Variants in SPOCK3 observed in about 807,000 individuals in gnomAD.
SPOCK3 encodes SPARC (osteonectin), cwcv and kazal like domains proteoglycan 3.
A neutral mutation model predicts 56.6 loss-of-function variants in SPOCK3; 30 were observed. The ratio of observed to expected loss-of-function variants is 0.53; its 90% CI spans 0.40 to 0.72. The LOEUF (loss-of-function observed/expected upper bound fraction) is 0.72. Ranked by LOEUF, SPOCK3 falls within the 30% of genes least tolerant of loss-of-function variation. The pLI is 0.00. For missense variants in SPOCK3, 527 were observed against 530.0 expected, an observed-to-expected ratio of 0.99 and a Z score of 0.06; for synonymous variants, 196 against 183.3, an observed-to-expected ratio of 1.07 and a Z score of -0.56.
chr4:167,130,018 TA>T (rs1327793934), intron 2 of SPOCK3, among the ~76,000 whole-genome samples: 2 of 152,142 alleles, frequency 1.3e-5, no homozygotes, highest in Admixed American at 1.3e-4. Context: ...TAAGGTTAAT[TA>T]AAAAAATTTT....
At chr4:167,025,806 G>A (rs1327160860) in intron 3 of SPOCK3, among the ~76,000 whole-genome samples, 2 of 152,028 alleles carry the variant, frequency 1.3e-5, no homozygotes, top group Non-Finnish European at 2.9e-5. Flanking sequence ...TTTCCTCTGA[G>A]GAATGCATTG....
chr4:166,750,329 C>G (rs1454901653), intron 8 of SPOCK3, among the ~76,000 whole-genome samples: 5 of 152,020 alleles, frequency 3.3e-5, no homozygotes, highest in Non-Finnish European at 7.4e-5. Context: ...CAGAATCAGA[C>G]TATTAGGTCT....
At chr4:167,148,710 A>C (rs1327216892) in intron 2 of SPOCK3, among the ~76,000 whole-genome samples, 4 of 152,144 alleles carry the variant, frequency 2.6e-5, no homozygotes, top group African/African-American at 9.7e-5. Flanking sequence ...GCAATTTTTT[A>C]AATTTAATTT....
At chr4:166,967,238 G>C (rs6829167) in intron 4 of SPOCK3, among the ~76,000 whole-genome samples, 1 of 151,876 alleles carries the variant, frequency 6.6e-6, no homozygotes, top group Non-Finnish European at 1.5e-5. Flanking sequence ...TCTGGCACCC[G>C]CCTAATCTGA....
At chr4:166,936,184 C>A (rs1740379016) in intron 4 of SPOCK3, among the ~76,000 whole-genome samples, 1 of 152,058 alleles carries the variant, frequency 6.6e-6, no homozygotes, top group African/African-American at 2.4e-5. Context: ...CAATACTGAG[C>A]TGTGATGCAT....
At chr4:166,996,728 AAT>A (rs763605976) in intron 4 of SPOCK3, among the ~76,000 whole-genome samples, 1 of 152,154 alleles carries the variant, frequency 6.6e-6, no homozygotes, top group Non-Finnish European at 1.5e-5. Flanking sequence ...ACAATATCCA[AAT>A]ATATGACTTT....
chr4:166,838,845 C>T (rs2126820115), intron 6 of SPOCK3, among the ~76,000 whole-genome samples: 1 of 149,942 alleles, frequency 6.7e-6, no homozygotes, highest in South Asian at 2.2e-4. Context: ...CACCTGTAAT[C>T]CAGCTACCTG....
At chr4:167,039,522 T>C (rs1325225788) in intron 3 of SPOCK3, among the ~76,000 whole-genome samples, 1 of 152,184 alleles carries the variant, frequency 6.6e-6, no homozygotes, top group East Asian at 1.9e-4. Flanking sequence ...TATATGTGTG[T>C]GTCTATACAT....
intron 5 of SPOCK3, among the ~76,000 whole-genome samples, chr4:166,898,897 G>A (rs1306710604): frequency 6.6e-6 from 1 of 152,154 alleles, no homozygotes; most frequent in Non-Finnish European, 1.5e-5. Context: ...CAGAAGGGAT[G>A]AGCATTTGAA....
At chr4:166,974,969 A>G (rs552028164) in intron 4 of SPOCK3, among the ~76,000 whole-genome samples, 1 of 152,300 alleles carries the variant, frequency 6.6e-6, no homozygotes, top group African/African-American at 2.4e-5. Flanking sequence ...TCATAGATTA[A>G]TCAATTAACA....
At chr4:167,077,583 T>G (rs1757313285) in intron 2 of SPOCK3, among the ~76,000 whole-genome samples, 2 of 151,948 alleles carry the variant, frequency 1.3e-5, no homozygotes, top group South Asian at 4.1e-4. Context: ...CATAAAATTC[T>G]GCTTCCCTGT....
At chr4:166,913,114 G>A (rs1017529048) in intron 4 of SPOCK3, among the ~76,000 whole-genome samples, 5 of 152,068 alleles carry the variant, frequency 3.3e-5, no homozygotes, top group Admixed American at 6.6e-5. Context: ...GTTCCATTAG[G>A]AACAATATAA....
At chr4:167,013,310 G>T (rs1390028353) in intron 3 of SPOCK3, among the ~76,000 whole-genome samples, 14 of 151,630 alleles carry the variant, frequency 9.2e-5, no homozygotes, top group Non-Finnish European at 1.6e-4. Context: ...TTCTACTATT[G>T]TTCTACTCTA....
chr4:167,111,227 T>G (rs1033522262), intron 2 of SPOCK3, among the ~76,000 whole-genome samples: 1 of 152,064 alleles, frequency 6.6e-6, no homozygotes, highest in Non-Finnish European at 1.5e-5. Flanking sequence ...ATTTCTTAAC[T>G]GAAGCAAATA....
intron 5 of SPOCK3, among the ~76,000 whole-genome samples, chr4:166,898,817 T>C (rs545639158): frequency 9.9e-5 from 15 of 152,274 alleles, no homozygotes; most frequent in African/African-American, 3.6e-4. Flanking sequence ...CATGTGTAAA[T>C]CTGAATGGGC....
At chr4:166,874,177 G>T (rs910459959) in intron 6 of SPOCK3, among the ~76,000 whole-genome samples, 1 of 152,026 alleles carries the variant, frequency 6.6e-6, no homozygotes, top group Non-Finnish European at 1.5e-5. Flanking sequence ...AAGGATGGGG[G>T]TTACCTAAGC....
intron 7 of SPOCK3, among the ~76,000 whole-genome samples, chr4:166,788,742 G>C (rs1741005340): frequency 6.6e-6 from 1 of 151,326 alleles, no homozygotes; most frequent in Non-Finnish European, 1.5e-5. Flanking sequence ...TTGTAAACAA[G>C]ATATACAAGA....
rs1053566659 is a variant in SPOCK3, at chr4:167,234,079, C to T, written c.95G>A (p.Arg32Gln). Residue 32 changes from arginine to glutamine, a missense_variant, in exon 2 of 11, where the codon CGG (arginine) becomes CAG (glutamine). Arg to Gln is a conservative substitution (Grantham distance 43). Coordinates refer to ENST00000357545, the MANE Select transcript of SPOCK3 (RefSeq NM_001040159.2). ...AAAAVAAAGGRSDGGNFLDDK... is the reference protein window; with the variant it reads ...AAAAVAAAGGQSDGGNFLDDK... ...ATCCAGAAAATTACCGCCGTCCGAC[C>T]GCCCCCCGGCTGCAGCCACCGCCGC... is the stretch of plus-strand genomic sequence containing the variant. The T allele has an allele frequency of 6.2e-7, 1 of 1,613,800 alleles. No homozygotes were observed. Among genetic ancestry groups the T allele is most frequent in the Admixed American group, 1.7e-5 (1 of 60,016 alleles).
intron 4 of SPOCK3, among the ~76,000 whole-genome samples, chr4:166,968,594 G>C (rs992146326): frequency 6.6e-6 from 1 of 150,830 alleles, no homozygotes; most frequent in Non-Finnish European, 1.5e-5. Context: ...GGGCATGCAG[G>C]TGCACAGAAG....
Sources: gnomAD v4.1 joint callset for allele counts (sites outside exome capture counted in the v4.1 genomes callset) on GRCh38, gnomAD v4.1.1 for gene constraint, MANE v1.5 for transcripts, NCBI Gene and HGNC (gene_info 2026-07-23, HGNC 2026-07-21) for gene names.